Variants in CCDC148 observed in about 807,000 individuals in gnomAD.
CCDC148 encodes the protein coiled-coil domain-containing protein 148.
In CCDC148, 89 loss-of-function variants were observed where a neutral mutation model predicts 85.7. The ratio of observed to expected loss-of-function variants is 1.04; its 90% CI spans 0.87 to 1.24. The LOEUF is 1.24. CCDC148 is among the 50% of genes most tolerant of loss of function. The pLI, the probability that CCDC148 is intolerant of heterozygous loss-of-function variation, is 0.00. For missense variants in CCDC148, 692 were observed against 671.7 expected, an observed-to-expected ratio of 1.03 and a Z score of -0.33; for synonymous variants, 230 against 213.9, an observed-to-expected ratio of 1.08 and a Z score of -0.66.
chr2:158,184,394 G>T (rs890707039), intron 11 of CCDC148, among the ~76,000 whole-genome samples: 1 of 152,110 alleles, frequency 6.6e-6, no homozygotes, highest in Non-Finnish European at 1.5e-5. Context: ...TATGTGTCAA[G>T]CACTGTTCTA....
rs148962674 is a variant in CCDC148 at position 158,290,240 on chromosome 2, G to A, written c.1110+19193C>T. Reference sequence around the variant, plus strand: ...CTGGGGAATAAAGGAGGCTGGCGGTGGGAAGGACTGGGCACAGGGATACCC... The same window carrying A: ...CTGGGGAATAAAGGAGGCTGGCGGTAGGAAGGACTGGGCACAGGGATACCC... On this transcript the variant is annotated intron_variant, in intron 9 of 13. Transcript: ENST00000283233. 1.3e-3 allele frequency among the ~76,000 whole-genome samples: 203 copies of A among 152,228 alleles called. 1 individual carries two copies. Among genetic ancestry groups the A allele is most frequent in the Middle Eastern group, 3.4e-3 (1 of 294 alleles).
In CCDC148 at chr2:158,250,836, T is replaced by C; in HGVS notation, c.1187A>G (p.Glu396Gly). The C allele has an allele frequency of 6.2e-7, 1 of 1,607,196 alleles. No homozygotes were observed. Among genetic ancestry groups the C allele is most frequent in the East Asian group, 2.2e-5 (1 of 44,654 alleles). Residue 396 changes from glutamate (E) to glycine (G), a missense_variant, in exon 10 of 14, where the codon GAA (glutamate) becomes GGA (glycine). Transcript: ENST00000283233. ...MEISARRREKEEEKEKLWKKK... is the reference protein window; with the variant it reads ...MEISARRREKGEEKEKLWKKK... ...CTTCCACAGTTTCTCTTTCTCCTCT[T>C]CCTTTTCTCTTCTTCTGGCAGAAAT...
At position 158,358,440 on chromosome 2, in the gene CCDC148, A is replaced by C. The variant is rs745915722; in HGVS notation, c.147+9T>G. The C allele has an allele frequency of 1.3e-6, 2 of 1,599,404 alleles. No homozygotes were observed. The highest frequency in any genetic ancestry group is 1.7e-6 in the Non-Finnish European group (2 of 1,175,758). Reference sequence around the variant, plus strand: ...AACTAGAAAAACACATACACACACAACTTCTAACCTTTAGCTTTGCAGAGG... The same window carrying C: ...AACTAGAAAAACACATACACACACACCTTCTAACCTTTAGCTTTGCAGAGG... On this transcript the variant is annotated intron_variant, in intron 2 of 13. Transcript: ENST00000283233.
chr2:158,453,759 T>C (rs1688497021), intron 1 of CCDC148, among the ~76,000 whole-genome samples: 1 of 152,206 alleles, frequency 6.6e-6, no homozygotes, highest in Non-Finnish European at 1.5e-5. Flanking sequence ...ATCTTAAAAG[T>C]TTCAGGTAGA....
intron 1 of CCDC148, among the ~76,000 whole-genome samples, chr2:158,369,146 C>T (rs77755866): frequency 6.6e-6 from 1 of 152,076 alleles, no homozygotes; most frequent in Non-Finnish European, 1.5e-5. Context: ...TATTGTTTCA[C>T]TATACGGGCT....
intron 9 of CCDC148, among the ~76,000 whole-genome samples, chr2:158,271,164 G>A (rs1373039593): frequency 6.6e-6 from 1 of 152,120 alleles, no homozygotes; most frequent in East Asian, 1.9e-4. Flanking sequence ...TAATGAAGAA[G>A]ATTTTGGGGG....
chr2:158,271,863 C>T (rs536324263), intron 9 of CCDC148, among the ~76,000 whole-genome samples: 3 of 152,188 alleles, frequency 2.0e-5, no homozygotes, highest in African/African-American at 7.2e-5. Context: ...GTCATTTAAA[C>T]AACATGCCTT....
intron 11 of CCDC148, among the ~76,000 whole-genome samples, chr2:158,193,982 G>A (rs371033140): frequency 3.5e-4 from 52 of 148,756 alleles, no homozygotes; most frequent in East Asian, 1.2e-3. Flanking sequence ...AAACCTGCAC[G>A]TTGTGCACAT....
chr2:158,410,799 G>A (rs1455828787), intron 1 of CCDC148, among the ~76,000 whole-genome samples: 1 of 151,988 alleles, frequency 6.6e-6, no homozygotes. Context: ...TTATTAGTGA[G>A]ATTTATGCTT....
At chr2:158,297,069 C>T (rs1170409719) in intron 9 of CCDC148, among the ~76,000 whole-genome samples, 1 of 152,198 alleles carries the variant, frequency 6.6e-6, no homozygotes, top group Non-Finnish European at 1.5e-5. Context: ...ATCACTAGCA[C>T]TGATTATGCT....
At chr2:158,224,836 C>A (rs1176239649) in intron 10 of CCDC148, among the ~76,000 whole-genome samples, 1 of 152,228 alleles carries the variant, frequency 6.6e-6, no homozygotes, top group African/African-American at 2.4e-5. Context: ...CCGGTACCAG[C>A]CACTGCAAAA....
chr2:158,358,367 A>G (rs1203725847), intron 2 of CCDC148, 82 bp downstream of exon 2: 1 of 1,481,976 alleles, frequency 6.7e-7, no homozygotes, highest in Non-Finnish European at 9.1e-7. Context: ...AATGTCATTT[A>G]TTTTCACATT....
At chr2:158,335,138 C>T (rs532379095) in intron 7 of CCDC148, among the ~76,000 whole-genome samples, 1 of 152,276 alleles carries the variant, frequency 6.6e-6, no homozygotes, top group African/African-American at 2.4e-5. Flanking sequence ...CTCCAGGACT[C>T]CTGAGGCCCT....
At chr2:158,234,728 G>A (rs1453010754) in intron 10 of CCDC148, among the ~76,000 whole-genome samples, 1 of 151,976 alleles carries the variant, frequency 6.6e-6, no homozygotes, top group Non-Finnish European at 1.5e-5. Flanking sequence ...GGAGAAAAAG[G>A]GGAAAATATG....
intron 3 of CCDC148, among the ~76,000 whole-genome samples, chr2:158,342,021 CTTTTCTTTT>C (rs1193737386): frequency 2.3e-5 from 2 of 85,624 alleles, no homozygotes; most frequent in African/African-American, 5.3e-5. Flanking sequence ...TCATTATTTT[CTTTTCTTTT>C]TTTTTTTTTT....
intron 1 of CCDC148, among the ~76,000 whole-genome samples, chr2:158,384,170 T>C (rs1684989555): frequency 6.6e-6 from 1 of 152,210 alleles, no homozygotes. Flanking sequence ...GATCGCTTAA[T>C]TAAGGTAGTG....
chr2:158,278,600 G>C (rs1376522385), intron 9 of CCDC148, among the ~76,000 whole-genome samples: 1 of 152,192 alleles, frequency 6.6e-6, no homozygotes, highest in Non-Finnish European at 1.5e-5. Context: ...GCCCAGGCTT[G>C]CTTAGGTAAA....
At chr2:158,425,020 G>A in intron 1 of CCDC148, 1 of 417,996 alleles carries the variant, frequency 2.4e-6, no homozygotes, top group Non-Finnish European at 4.8e-6. Flanking sequence ...GGAAGAACAG[G>A]TGCTGCAACC....
chr2:158,383,565 A>C (rs193079378), intron 1 of CCDC148, among the ~76,000 whole-genome samples: 8,750 of 152,122 alleles, frequency 0.058, 474 homozygotes, highest in African/African-American at 0.14. Flanking sequence ...GTGAAAGAAA[A>C]ATTTTTTTCT....
Sources: gnomAD v4.1 joint callset for allele counts (sites outside exome capture counted in the v4.1 genomes callset) on GRCh38, gnomAD v4.1.1 for gene constraint, MANE v1.5 for transcripts, NCBI Gene and HGNC (gene_info 2026-07-23, HGNC 2026-07-21) for gene names.